Variants in SLC2A14 observed in about 807,000 individuals in gnomAD.
SLC2A14 encodes solute carrier family 2 member 14, also known as solute carrier family 2, facilitated glucose transporter member 14.
SLC2A14 carries 13 observed loss-of-function variants against 43.0 expected under a neutral mutation model. The ratio of observed to expected loss-of-function variants is 0.30; its 90% CI spans 0.20 to 0.48. The LOEUF is 0.48. SLC2A14 is among the 20% of genes least tolerant of loss of function. The pLI, the probability that SLC2A14 is intolerant of heterozygous loss-of-function variation, is 0.99. For synonymous variants in SLC2A14, 190 were observed against 233.8 expected, an observed-to-expected ratio of 0.81 and a Z score of 1.71; for missense variants, 428 against 620.4, an observed-to-expected ratio of 0.69 and a Z score of 3.29.
At chr12:7,870,926 GTGA>G in intron 1 of SLC2A14, 1 of 1,419,034 alleles carries the variant, frequency 7.0e-7, no homozygotes. Context: ...CAATGTCTTC[GTGA>G]TGTTCGACCA....
Position 7,832,809 on chromosome 12 carries a change from G to A in SLC2A14, c.24C>T (p.Thr8=). Residue 8 remains threonine, a synonymous_variant, in exon 3 of 11, where the codon ACC becomes ACT. Transcript: ENST00000431042. ...CTGTGATGGCAAAGATCAGAGCTGG[G>A]GTGACCTGGAGAGACAGAGGACAGG... MDNRQNV[T]PALIFAITVA... 6.2e-7 allele frequency: 1 copy of A among 1,614,094 alleles called. No homozygotes were observed. The highest frequency in any genetic ancestry group is 8.5e-7 in the Non-Finnish European group (1 of 1,180,012).
chr12:7,868,722 G>T (rs922065333), intron 2 of SLC2A14, among the ~76,000 whole-genome samples: 4 of 152,146 alleles, frequency 2.6e-5, no homozygotes, highest in Non-Finnish European at 5.9e-5. Context: ...GAATATGTCT[G>T]GTCAGGCACA....
intron 8 of SLC2A14, 134 bp downstream of exon 8, chr12:7,821,086 CA>C (rs1565497705): frequency 1.6e-6 from 1 of 635,496 alleles, no homozygotes; most frequent in Non-Finnish European, 2.5e-6. Context: ...GACTCTGTCT[CA>C]AAAAATTTAA....
intron 1 of SLC2A14, among the ~76,000 whole-genome samples, chr12:7,882,463 A>G (rs1945600934): frequency 6.6e-6 from 1 of 151,994 alleles, no homozygotes; most frequent in African/African-American, 2.4e-5. Flanking sequence ...GAATCCCCCA[A>G]TTCCTGACAC....
chr12:7,822,308 T>C (rs1185434715), intron 7 of SLC2A14, among the ~76,000 whole-genome samples: 2 of 152,080 alleles, frequency 1.3e-5, no homozygotes, highest in Non-Finnish European at 2.9e-5. Flanking sequence ...ATGTCCATTG[T>C]TGCTTCTAAC....
intron 2 of SLC2A14, among the ~76,000 whole-genome samples, chr12:7,838,042 GCCA>G (rs1265934171): frequency 6.6e-6 from 1 of 151,788 alleles, no homozygotes; most frequent in Non-Finnish European, 1.5e-5. Context: ...ATAGGTGTGA[GCCA>G]CCATGCCCAG....
intron 2 of SLC2A14, among the ~76,000 whole-genome samples, chr12:7,848,305 C>T (rs1020663190): frequency 1.3e-5 from 2 of 152,120 alleles, no homozygotes; most frequent in African/African-American, 4.8e-5. Flanking sequence ...GGAATATGTC[C>T]CTTAGACACA....
chr12:7,855,791 C>T (rs1248372041), intron 2 of SLC2A14, among the ~76,000 whole-genome samples: 1 of 151,968 alleles, frequency 6.6e-6, no homozygotes. Context: ...GCTCACTCCA[C>T]CAGCCCGGCT....
At position 7,814,059 on chromosome 12, in the gene SLC2A14, G is replaced by A. The variant is rs1040737811; in HGVS notation, c.*257C>T. 3.2e-5 allele frequency: 15 copies of A among 474,898 alleles called. No homozygotes were observed. The highest frequency in any genetic ancestry group is 1.3e-4 in the African/African-American group (7 of 52,008). 29.4% of individuals were successfully genotyped at this position (474,898 alleles called of 1,614,324 possible). A position where few individuals can be genotyped will look rare whatever the true frequency, so the allele number is the denominator to read the frequency against. On this transcript the variant is annotated 3_prime_UTR_variant, in exon 11 of 11. Coordinates refer to ENST00000431042, the MANE Select transcript of SLC2A14 (RefSeq NM_001286234.2). ...CTGGCAAAGTTGTCATGTGCCAAGC[G>A]GCCAATCCCTCCTGAAATGAAGGTA...
Position 7,882,530 on chromosome 12 carries a change from TAA to T in SLC2A14, c.132+8464_132+8465del, listed in dbSNP as rs371401008. 1.3e-3 allele frequency among the ~76,000 whole-genome samples: 194 copies of T among 151,884 alleles called. 1 individual carries two copies. The highest frequency in any genetic ancestry group is 4.2e-3 in the African/African-American group (176 of 41,416). On this transcript the variant is annotated intron_variant, in intron 1 of 9. Coordinates refer to the SLC2A14 transcript ENST00000539924. ...GCGAAACTTACCTCTCAAAGAAAAA[TAA>T]AAGATATTTATTTGAGGCTAGCGTC...
intron 10 of SLC2A14, 51 bp downstream of exon 10, chr12:7,817,780 A>ATAGG: frequency 6.3e-7 from 1 of 1,590,712 alleles, no homozygotes; most frequent in Non-Finnish European, 8.6e-7. Flanking sequence ...AGATAGATAG[A>ATAGG]CAGATACATA....
At chr12:7,870,624 C>T (rs755106452) in intron 1 of SLC2A14, among the ~76,000 whole-genome samples, 4 of 152,054 alleles carry the variant, frequency 2.6e-5, no homozygotes, top group Admixed American at 1.3e-4. Context: ...ATTTCATTTT[C>T]ATTTCTCTCT....
At chr12:7,871,236 C>T in intron 1 of SLC2A14, 1 of 1,230,940 alleles carries the variant, frequency 8.1e-7, no homozygotes, top group Admixed American at 3.0e-5. Flanking sequence ...AGGAGCTGCT[C>T]ACCACCATGG....
At chr12:7,847,171 G>C (rs1866540113) in intron 2 of SLC2A14, among the ~76,000 whole-genome samples, 1 of 151,908 alleles carries the variant, frequency 6.6e-6, no homozygotes, top group African/African-American at 2.4e-5. Flanking sequence ...AGAATCACTT[G>C]AACCTGGGAG....
chr12:7,855,631 T>TC (rs1867298852), intron 2 of SLC2A14, among the ~76,000 whole-genome samples: 2 of 151,898 alleles, frequency 1.3e-5, no homozygotes, highest in South Asian at 4.2e-4. Context: ...ATGCTCCTTT[T>TC]TTTTTCTTTT....
chr12:7,812,798 G>A lies in SLC2A14; in HGVS notation c.*1518C>T, dbSNP rs1157488700. The A allele has an allele frequency of 2.0e-5, 3 of 152,124 alleles. No individual in the cohort carries two copies. The highest frequency in any genetic ancestry group is 4.8e-5 in the African/African-American group (2 of 41,412). 9.4% of individuals were successfully genotyped at this position (152,124 alleles called of 1,614,324 possible). ...GTCACTGGCAAGGGTTTGGCTAAAG[G>A]GTCTGAGATGTGTAAGCACCAAGAA... On this transcript the variant is annotated 3_prime_UTR_variant, in exon 11 of 11. Transcript: ENST00000431042.
At chr12:7,873,290 G>C, upstream of SLC2A14, 1 of 985,584 alleles carries the variant, frequency 1.0e-6, no homozygotes, top group Non-Finnish European at 1.2e-6. Flanking sequence ...GATAGTGCCC[G>C]GGCTATCCCC....
At chr12:7,883,263 C>CTTTTT (rs372464881) in intron 1 of SLC2A14, among the ~76,000 whole-genome samples, 13 of 108,388 alleles carry the variant, frequency 1.2e-4, no homozygotes, top group South Asian at 3.4e-4. Flanking sequence ...TTCTTTCTTT[C>CTTTTT]TTTTTTTTTT....
chr12:7,841,743 A>G (rs765645135), intron 2 of SLC2A14, among the ~76,000 whole-genome samples: 6 of 152,052 alleles, frequency 3.9e-5, no homozygotes, highest in Admixed American at 6.6e-5. Flanking sequence ...TGCAGTGGCT[A>G]ACGCCTGTAA....
Sources: gnomAD v4.1 joint callset for allele counts (sites outside exome capture counted in the v4.1 genomes callset) on GRCh38, gnomAD v4.1.1 for gene constraint, MANE v1.5 for transcripts, NCBI Gene and HGNC (gene_info 2026-07-23, HGNC 2026-07-21) for gene names.